The following SMARCC1 variants were observed in gnomAD, a reference collection of about 807,000 sequenced individuals.
SMARCC1 encodes SWI/SNF related BAF chromatin remodeling complex subunit C1.
A neutral mutation model predicts 147.4 loss-of-function variants in SMARCC1; 43 were observed. The observed-to-expected ratio is 0.29, with a 90% CI of 0.23 to 0.38. The LOEUF is 0.38. SMARCC1 is among the 10% of genes least tolerant of loss of function. The pLI, the probability that SMARCC1 is intolerant of heterozygous loss-of-function variation, is 1.00. For synonymous variants in SMARCC1, 495 were observed against 484.4 expected (o/e 1.02, Z -0.29); for missense variants, 1,119 against 1,381.1 (o/e 0.81, Z 3.01).
At chr3:47,779,457 GA>G (rs535043620) in intron 1 of SMARCC1, among the ~76,000 whole-genome samples, 70 of 152,326 alleles carry the variant, frequency 4.6e-4, no homozygotes, top group Non-Finnish European at 8.5e-4. Context: ...AGACTGAAAA[GA>G]TTCTGGCTGT....
chr3:47,643,344 A>G (rs2033073720), intron 21 of SMARCC1, among the ~76,000 whole-genome samples: 1 of 152,224 alleles, frequency 6.6e-6, no homozygotes, highest in Non-Finnish European at 1.5e-5. Context: ...CATGCAAGAC[A>G]GTACATGCAT....
At chr3:47,769,777 T>C (rs1165832086) in intron 2 of SMARCC1, among the ~76,000 whole-genome samples, 2 of 152,290 alleles carry the variant, frequency 1.3e-5, no homozygotes, top group East Asian at 3.9e-4. Context: ...ATTCTTAACA[T>C]TTGCTGAGCT....
intron 24 of SMARCC1, among the ~76,000 whole-genome samples, chr3:47,626,836 A>G (rs539380825): frequency 9.2e-5 from 14 of 152,300 alleles, no homozygotes; most frequent in Admixed American, 3.9e-4. Context: ...TGCCATGTAC[A>G]AAGTATGATC....
chr3:47,592,122 A>G (rs919725354), intron 26 of SMARCC1, among the ~76,000 whole-genome samples: 2 of 152,264 alleles, frequency 1.3e-5, no homozygotes, highest in Non-Finnish European at 2.9e-5. Flanking sequence ...ATTAAAATAC[A>G]GAAAGCAGTA....
At chr3:47,640,160 G>T (rs1455207373) in intron 21 of SMARCC1, among the ~76,000 whole-genome samples, 1 of 151,720 alleles carries the variant, frequency 6.6e-6, no homozygotes, top group Non-Finnish European at 1.5e-5. Context: ...AATCAGAAAA[G>T]AAATAAAGGC....
At chr3:47,652,968 G>C (rs76681561) in intron 21 of SMARCC1, among the ~76,000 whole-genome samples, 2 of 29,892 alleles carry the variant, frequency 6.7e-5, no homozygotes, top group African/African-American at 2.6e-4. Flanking sequence ...TTTTTTTTTT[G>C]AGACGGAGTC....
chr3:47,781,509 C>CG (rs992395330), intron 1 of SMARCC1, 94 bp downstream of exon 1: 38 of 869,680 alleles, frequency 4.4e-5, no homozygotes, highest in South Asian at 8.6e-5. Flanking sequence ...TCGTGGCGTG[C>CG]GGGGGGGAGG....
chr3:47,590,602 T>C (rs751459347), intron 27 of SMARCC1, 59 bp downstream of exon 27: 2 of 1,398,174 alleles, frequency 1.4e-6, no homozygotes, highest in Non-Finnish European at 1.9e-6. Flanking sequence ...CTCCTTCCCT[T>C]ATCTACAGCC....
chr3:47,668,885 T>TAAA (rs751000969), intron 19 of SMARCC1, among the ~76,000 whole-genome samples: 3 of 136,524 alleles, frequency 2.2e-5, no homozygotes, highest in Admixed American at 2.2e-4. Flanking sequence ...AACCCTGTCT[T>TAAA]AAAAAAAAAA....
intron 2 of SMARCC1, among the ~76,000 whole-genome samples, chr3:47,750,122 G>C (rs1457234325): frequency 1.3e-5 from 2 of 151,448 alleles, no homozygotes; most frequent in African/African-American, 4.9e-5. Flanking sequence ...TTATAATTCT[G>C]TAGTGCTGAC....
intron 15 of SMARCC1, 78 bp downstream of exon 15, chr3:47,680,359 A>T: frequency 1.1e-6 from 1 of 930,514 alleles, no homozygotes; most frequent in Non-Finnish European, 1.7e-6. Flanking sequence ...AATCAGCAAT[A>T]AGGAACTCAG....
intron 22 of SMARCC1, among the ~76,000 whole-genome samples, chr3:47,636,788 A>ATG (rs35445330): frequency 0.036 from 2,892 of 80,514 alleles, 54 homozygotes; most frequent in African/African-American, 0.069. Flanking sequence ...AAATATATAT[A>ATG]TGTGTGTGTG....
intron 2 of SMARCC1, among the ~76,000 whole-genome samples, chr3:47,757,246 G>C (rs991132798): frequency 6.6e-6 from 1 of 151,626 alleles, no homozygotes; most frequent in Non-Finnish European, 1.5e-5. Flanking sequence ...GCCAGACCCC[G>C]TTTCAAAAAA....
chr3:47,675,603 T>C lies in SMARCC1; in HGVS notation c.1726-15A>G, dbSNP rs1443407383. 3.7e-6 allele frequency: 5 copies of C among 1,350,062 alleles called. No individual in the cohort carries two copies. Among genetic ancestry groups the C allele is most frequent in the Non-Finnish European group, 4.3e-6 (4 of 939,946 alleles). The allele number at this position is 1,350,062 out of a possible 1,614,324, so 83.6% of individuals were successfully genotyped here. On this transcript the variant is annotated splice_polypyrimidine_tract_variant and intron_variant, in intron 17 of 27. Transcript: ENST00000254480. ...GCAGCAGGAACCTGAGTCAAATAAA[T>C]GATAAATGGCTGAGTTAGCCTCTTT...
chr3:47,626,163 T>C (rs549224814), intron 24 of SMARCC1, among the ~76,000 whole-genome samples: 7 of 151,924 alleles, frequency 4.6e-5, no homozygotes, highest in Admixed American at 3.3e-4. Flanking sequence ...CTTTTTTTTT[T>C]TGAGACAGAG....
At chr3:47,617,371 T>G (rs964852346) in intron 25 of SMARCC1, among the ~76,000 whole-genome samples, 1 of 152,248 alleles carries the variant, frequency 6.6e-6, no homozygotes, top group Admixed American at 6.5e-5. Context: ...CTCACATAGT[T>G]TGCCAGGAAA....
intron 14 of SMARCC1, among the ~76,000 whole-genome samples, chr3:47,680,782 C>T (rs1039949042): frequency 6.6e-6 from 1 of 151,758 alleles, no homozygotes; most frequent in Non-Finnish European, 1.5e-5. Context: ...CTCCTGACCT[C>T]GTGATCCGCC....
chr3:47,774,383 G>A (rs538696729), intron 1 of SMARCC1, among the ~76,000 whole-genome samples: 1 of 152,052 alleles, frequency 6.6e-6, no homozygotes, highest in East Asian at 1.9e-4. Context: ...CTGGGTGACA[G>A]AGCCAGACTC....
Position 47,676,655 on chromosome 3 carries a change from C to T in SMARCC1, c.1699G>A (p.Val567Met). Residue 567 changes from valine to methionine, a missense_variant, in exon 17 of 28, where the codon GTG (valine) becomes ATG (methionine). This residue lies in a region of SMARCC1 where 178 missense variants were observed against 264.6 expected (regional missense o/e 0.67). Coordinates refer to ENST00000254480, the MANE Select transcript of SMARCC1 (RefSeq NM_003074.4). ...TGAGGTGATCGAAGATGCAGAGGCA[C>T]AAGCCCAGAGGGGGTATCAGCTAAT... ...NVLADTPSGL[V>M]PLHLRSPQVP... is the part of the protein sequence containing the mutation. 1 of 1,613,956 alleles carries T rather than the reference C, an allele frequency of 6.2e-7. No homozygotes were observed. The highest frequency in any genetic ancestry group is 2.2e-5 in the East Asian group (1 of 44,882).
Sources: allele counts gnomAD v4.1 joint callset (sites outside exome capture counted in the v4.1 genomes callset), GRCh38; gene constraint gnomAD v4.1.1; regional missense constraint gnomAD v4.1.1; transcripts MANE v1.5; gene names NCBI Gene and HGNC (gene_info 2026-07-23, HGNC 2026-07-21).